The following RBM47 variants were observed in gnomAD, a reference collection of about 807,000 sequenced individuals.
RBM47 encodes RNA binding motif protein 47, also known as RNA-binding protein 47.
Under a neutral mutation model 47.1 loss-of-function variants are expected in RBM47, and 21 were observed. The observed-to-expected ratio is 0.45, with a 90% CI of 0.32 to 0.64. The LOEUF (loss-of-function observed/expected upper bound fraction) is 0.64. Among genes scored for constraint, RBM47 ranks in the 30% least tolerant of loss-of-function variants. RBM47 has a pLI of 0.05. For synonymous variants in RBM47, 375 were observed against 361.7 expected (o/e 1.04, Z -0.42); for missense variants, 708 against 870.9 (o/e 0.81, Z 2.35).
rs28615375 is a variant in RBM47, at chr4:40,563,801, G to A, written c.-239-19295C>T. ...ACAAAACTGCAGTGGTAGGGCCCTA[G>A]GTACACCCTTCAGGAAGGCACATTT... is the stretch of plus-strand genomic sequence containing the variant. On this transcript the variant is annotated intron_variant, in intron 1 of 6. Coordinates refer to ENST00000295971, the MANE Select transcript of RBM47 (RefSeq NM_001098634.2). 9.5e-3 allele frequency among the ~76,000 whole-genome samples: 1,448 copies of A among 152,274 alleles called. 23 individuals are homozygous for A. Among genetic ancestry groups the A allele is most frequent in the African/African-American group, 0.031 (1,276 of 41,546 alleles).
intron 2 of RBM47, among the ~76,000 whole-genome samples, chr4:40,517,804 A>G (rs1725761183): frequency 6.6e-6 from 1 of 152,356 alleles, no homozygotes; most frequent in African/African-American, 2.4e-5. Context: ...TAAACAATAC[A>G]GCATAACAAC....
chr4:40,470,817 G>A (rs569742056), intron 2 of RBM47, among the ~76,000 whole-genome samples: 11 of 152,032 alleles, frequency 7.2e-5, no homozygotes, highest in East Asian at 1.9e-4. Context: ...ATCTTGAATC[G>A]CTGCAGCCTC....
At chr4:40,471,953 C>A (rs1718940296) in intron 2 of RBM47, among the ~76,000 whole-genome samples, 1 of 152,092 alleles carries the variant, frequency 6.6e-6, no homozygotes, top group East Asian at 1.9e-4. Context: ...TTCCTGCAGC[C>A]CCCTGTGATA....
chr4:40,591,614 A>C (rs1393090242), intron 1 of RBM47, among the ~76,000 whole-genome samples: 1 of 152,154 alleles, frequency 6.6e-6, no homozygotes, highest in Admixed American at 6.6e-5. Context: ...GAATTGCTTG[A>C]ACCCAGGAGG....
chr4:40,509,978 A>G (rs1724709344), intron 2 of RBM47, among the ~76,000 whole-genome samples: 1 of 152,066 alleles, frequency 6.6e-6, no homozygotes, highest in South Asian at 2.1e-4. Context: ...ACTTGAGGTC[A>G]GGAGTTCAAG....
At position 40,629,576 on chromosome 4, in the gene RBM47, C is replaced by T. The variant is rs188489563; in HGVS notation, c.-420G>A. 1 of 152,320 alleles carries T rather than the reference C, an allele frequency of 6.6e-6. No homozygotes were observed. The highest frequency in any genetic ancestry group is 1.9e-4 in the East Asian group (1 of 5,184). 9.4% of individuals were successfully genotyped at this position (152,320 alleles called of 1,614,324 possible). On this transcript the variant is annotated 5_prime_UTR_variant, in exon 1 of 7. Coordinates refer to ENST00000295971, the MANE Select transcript of RBM47 (RefSeq NM_001098634.2). ...CACCGCGCCGCTTAAAGCAACAGAG[C>T]GTTTTAGGCTTAACTCCCAGGCTCT...
intron 1 of RBM47, among the ~76,000 whole-genome samples, chr4:40,604,389 C>G (rs564280664): frequency 2.6e-5 from 4 of 152,274 alleles, no homozygotes; most frequent in Admixed American, 2.6e-4. Context: ...CTTTGGGAGG[C>G]TAAGGCAGGA....
intron 2 of RBM47, among the ~76,000 whole-genome samples, chr4:40,524,938 A>G (rs776526824): frequency 2.6e-5 from 4 of 152,196 alleles, no homozygotes; most frequent in Non-Finnish European, 5.9e-5. Context: ...TTTTCACATG[A>G]TCCTGATCCA....
At chr4:40,518,144 G>GTTTCT (rs1560439925) in intron 2 of RBM47, among the ~76,000 whole-genome samples, 20 of 113,956 alleles carry the variant, frequency 1.8e-4, no homozygotes, top group African/African-American at 3.1e-4. Flanking sequence ...AACAAGCATT[G>GTTTCT]TTTCTTTTCT....
At chr4:40,509,674 G>A (rs1560432155) in intron 2 of RBM47, among the ~76,000 whole-genome samples, 1 of 151,742 alleles carries the variant, frequency 6.6e-6, no homozygotes, top group Non-Finnish European at 1.5e-5. Flanking sequence ...GAGGTCAGGA[G>A]ATCGAGACCA....
chr4:40,517,679 C>T (rs1725741169), intron 2 of RBM47, among the ~76,000 whole-genome samples: 1 of 152,064 alleles, frequency 6.6e-6, no homozygotes, highest in African/African-American at 2.4e-5. Context: ...ATCTCATGTA[C>T]CCCATAAATA....
intron 1 of RBM47, among the ~76,000 whole-genome samples, chr4:40,585,212 T>C (rs2154272737): frequency 6.6e-6 from 1 of 152,316 alleles, no homozygotes. Flanking sequence ...TTAGTTAAAC[T>C]AGGAAAACAG....
At chr4:40,594,112 C>T (rs942113157) in intron 1 of RBM47, among the ~76,000 whole-genome samples, 3 of 151,782 alleles carry the variant, frequency 2.0e-5, no homozygotes, top group Non-Finnish European at 2.9e-5. Context: ...TCTTCTCTAC[C>T]CCCACCCCCG....
chr4:40,446,580 T>G (rs899134991), intron 3 of RBM47, among the ~76,000 whole-genome samples: 22 of 151,344 alleles, frequency 1.5e-4, no homozygotes, highest in African/African-American at 5.1e-4. Flanking sequence ...TCTACAAAAA[T>G]TTAAAAAATT....
At chr4:40,456,845 T>C (rs1271926069) in intron 3 of RBM47, among the ~76,000 whole-genome samples, 2 of 151,980 alleles carry the variant, frequency 1.3e-5, no homozygotes, top group African/African-American at 4.8e-5. Context: ...GCAATCCTCC[T>C]GCCTCGGCCT....
At chr4:40,600,985 C>CAAAAAAAAAAAAAAAAAAAAAAA (rs56054491) in intron 1 of RBM47, among the ~76,000 whole-genome samples, 13 of 50,084 alleles carry the variant, frequency 2.6e-4, no homozygotes, top group Admixed American at 6.0e-4. Context: ...AACTCCGTCT[C>CAAAAAAAAAAAAAAAAAAAAAAA]AAAAAAAAAA....
intron 3 of RBM47, among the ~76,000 whole-genome samples, chr4:40,445,575 A>G (rs1424137250): frequency 6.6e-6 from 1 of 152,186 alleles, no homozygotes; most frequent in East Asian, 1.9e-4. Context: ...CTGACTTCTG[A>G]GTTAAGTGAA....
At chr4:40,625,756 A>G (rs560234208) in intron 1 of RBM47, among the ~76,000 whole-genome samples, 2 of 152,146 alleles carry the variant, frequency 1.3e-5, no homozygotes, top group Non-Finnish European at 2.9e-5. Flanking sequence ...CCAAAGACAA[A>G]TATCGTGATT....
chr4:40,553,028 C>CACGATCTTG (rs1264071448), intron 1 of RBM47, among the ~76,000 whole-genome samples: 1 of 151,482 alleles, frequency 6.6e-6, no homozygotes, highest in Non-Finnish European at 1.5e-5. Context: ...AGTGCAGTGG[C>CACGATCTTG]ACGATCTTGG....
Sources: allele counts gnomAD v4.1 joint callset (sites outside exome capture counted in the v4.1 genomes callset), GRCh38; gene constraint gnomAD v4.1.1; transcripts MANE v1.5; gene names NCBI Gene and HGNC (gene_info 2026-07-23, HGNC 2026-07-21).